TRPC4AP: variants seen among roughly 807,000 people sequenced by gnomAD.
TRPC4AP encodes the protein transient receptor potential cation channel subfamily C member 4 associated protein, also known as short transient receptor potential channel 4-associated protein.
In TRPC4AP, 45 loss-of-function variants were observed where a neutral mutation model predicts 99.0. The ratio of observed to expected loss-of-function variants is 0.45; its 90% confidence interval spans 0.36 to 0.58. The LOEUF is 0.58. TRPC4AP is among the 20% of genes least tolerant of loss of function. The pLI, the probability that TRPC4AP is intolerant of heterozygous loss-of-function variation, is 0.00. For synonymous variants in TRPC4AP, 408 were observed against 385.8 expected, an observed-to-expected ratio of 1.06 and a Z score of -0.67; for missense variants, 879 against 985.3, an observed-to-expected ratio of 0.89 and a Z score of 1.44.
chr20:35,048,967 A>C (rs1034890801), intron 6 of TRPC4AP, among the ~76,000 whole-genome samples: 1 of 152,226 alleles, frequency 6.6e-6, no homozygotes, highest in African/African-American at 2.4e-5. Flanking sequence ...TGGGGAAAGC[A>C]CAGCAAGAAG....
At chr20:35,074,593 T>C (rs548826060) in intron 2 of TRPC4AP, among the ~76,000 whole-genome samples, 3 of 152,348 alleles carry the variant, frequency 2.0e-5, no homozygotes, top group Admixed American at 2.0e-4. Context: ...AGTGAGTTTC[T>C]TAATCCTGAG....
At chr20:35,034,501 T>G (rs1187233286) in intron 8 of TRPC4AP, among the ~76,000 whole-genome samples, 1 of 151,994 alleles carries the variant, frequency 6.6e-6, no homozygotes, top group East Asian at 1.9e-4. Context: ...ACCGAGAACT[T>G]AGTCTCTTCA....
chr20:35,017,685 C>T (rs1243716357), intron 9 of TRPC4AP, among the ~76,000 whole-genome samples: 3 of 152,204 alleles, frequency 2.0e-5, no homozygotes, highest in African/African-American at 4.8e-5. Context: ...TTCTAGCCCA[C>T]TACAGGTATG....
At position 35,004,589 on chromosome 20, in the gene TRPC4AP, G is replaced by A. The variant is rs1226627730; in HGVS notation, c.1937-19C>T. 1.2e-6 allele frequency: 2 copies of A among 1,607,986 alleles called. No homozygotes were observed. Among genetic ancestry groups the A allele is most frequent in the Non-Finnish European group, 1.7e-6 (2 of 1,176,188 alleles). Reference sequence around the variant, plus strand: ...TCGGCAACTGTGGAGGGAGGCAGGGGTGCAGCAGGTCAGGCTTAGGCCCAG... The same window carrying A: ...TCGGCAACTGTGGAGGGAGGCAGGGATGCAGCAGGTCAGGCTTAGGCCCAG... On this transcript the variant is annotated intron_variant, in intron 16 of 18. Coordinates refer to ENST00000252015, the MANE Select transcript of TRPC4AP (RefSeq NM_015638.3).
chr20:35,082,006 C>T (rs1037794842), intron 1 of TRPC4AP, among the ~76,000 whole-genome samples: 58 of 151,072 alleles, frequency 3.8e-4, no homozygotes, highest in African/African-American at 1.4e-3. Flanking sequence ...AAAACAAAAA[C>T]AACAACAACA....
intron 11 of TRPC4AP, among the ~76,000 whole-genome samples, chr20:35,011,618 TGTGACTGTGACCCACAACACCCTG>T (rs2082638306): frequency 1.6e-5 from 1 of 63,054 alleles, no homozygotes; most frequent in Non-Finnish European, 4.7e-5. Flanking sequence ...AATCCAGGCC[TGTGACTGTGACCCACAACACCCTG>T]TGACTGTGAC....
intron 7 of TRPC4AP, among the ~76,000 whole-genome samples, chr20:35,040,810 G>T (rs967677705): frequency 6.6e-6 from 1 of 152,074 alleles, no homozygotes; most frequent in African/African-American, 2.4e-5. Context: ...CTCCGCCTGT[G>T]ATCGTGTGAG....
At chr20:35,040,754 A>C (rs2083429311) in intron 7 of TRPC4AP, among the ~76,000 whole-genome samples, 1 of 152,112 alleles carries the variant, frequency 6.6e-6, no homozygotes, top group South Asian at 2.1e-4. Flanking sequence ...CAGGCGTGTC[A>C]CCATGCCCAG....
intron 2 of TRPC4AP, among the ~76,000 whole-genome samples, chr20:35,072,949 T>C (rs6088700): frequency 0.18 from 28,098 of 152,124 alleles, 2,682 homozygotes; most frequent in Middle Eastern, 0.34. Flanking sequence ...TGTGTCCTCT[T>C]TTATTTCATT....
At position 35,029,175 on chromosome 20, in the gene TRPC4AP, C is replaced by T. The variant is rs538939947; in HGVS notation, c.1051+5948G>A. 6.6e-5 allele frequency among the ~76,000 whole-genome samples: 10 copies of T among 152,268 alleles called. No homozygotes were observed. In the South Asian group the frequency reaches 1.2e-3, roughly 19 times the overall value. On this transcript the variant is annotated intron_variant, in intron 8 of 18. Coordinates refer to ENST00000252015, the MANE Select transcript of TRPC4AP (RefSeq NM_015638.3). ...CTGAGGCATCAGAATTGCTTGAACCCGGGAGGTGGAGGTTGCAGTGAGCTG... is the reference window on the plus strand; with the variant it reads ...CTGAGGCATCAGAATTGCTTGAACCTGGGAGGTGGAGGTTGCAGTGAGCTG...
intron 1 of TRPC4AP, among the ~76,000 whole-genome samples, chr20:35,085,565 T>C (rs962772273): frequency 6.6e-6 from 1 of 151,128 alleles, no homozygotes; most frequent in Non-Finnish European, 1.5e-5. Flanking sequence ...GTAGTTTTTT[T>C]TCACCACTAC....
At chr20:35,089,400 T>A (rs866870902) in intron 1 of TRPC4AP, among the ~76,000 whole-genome samples, 1 of 149,414 alleles carries the variant, frequency 6.7e-6, no homozygotes, top group Non-Finnish European at 1.5e-5. Flanking sequence ...TTAATGTTTT[T>A]TTTTTTTTTT....
intron 1 of TRPC4AP, among the ~76,000 whole-genome samples, chr20:35,080,650 T>G (rs1037394815): frequency 6.6e-6 from 1 of 151,750 alleles, no homozygotes; most frequent in Non-Finnish European, 1.5e-5. Context: ...GAAAGATCAC[T>G]GGTTGGCAAA....
rs537438767 is a variant in TRPC4AP at position 35,072,859 on chromosome 20, T to C, written c.298-3447A>G. Among the ~76,000 whole-genome samples the C allele has an allele frequency of 3.9e-5, 6 of 152,336 alleles. 1 individual carries two copies. The South Asian group carries it at 1.2e-3, about 32-fold the overall frequency. On this transcript the variant is annotated intron_variant, in intron 2 of 18. Transcript: ENST00000252015. The stretch of plus-strand genomic sequence containing the variant: ...CTTGATGGGGATGGCATTGAATCTA[T>C]CAATTACCTCGGGCAATATGGCCAT...
intron 7 of TRPC4AP, among the ~76,000 whole-genome samples, chr20:35,041,002 A>G (rs6060172): frequency 0.58 from 82,184 of 142,704 alleles, 24,770 homozygotes; most frequent in Middle Eastern, 0.74. Flanking sequence ...TCTCTCCTCA[A>G]TGACAGAGAG....
At chr20:35,033,208 G>A (rs1158771667) in intron 8 of TRPC4AP, among the ~76,000 whole-genome samples, 2 of 152,120 alleles carry the variant, frequency 1.3e-5, no homozygotes, top group Non-Finnish European at 2.9e-5. Context: ...GACATTTTAA[G>A]TAATATACTG....
chr20:35,007,384 C>A (rs1405882827), intron 14 of TRPC4AP, among the ~76,000 whole-genome samples, 166 bp downstream of exon 14: 5 of 152,244 alleles, frequency 3.3e-5, no homozygotes, highest in Non-Finnish European at 4.4e-5. Flanking sequence ...CATGGGGAAC[C>A]CACAGTTGGA....
At chr20:35,086,535 G>GTATATATA in intron 1 of TRPC4AP, among the ~76,000 whole-genome samples, 1 of 17,754 alleles carries the variant, frequency 5.6e-5, no homozygotes, top group African/African-American at 3.3e-4. Flanking sequence ...ATGTGTGTGT[G>GTATATATA]TGTGTGTGTG....
chr20:35,050,084 T>G, intron 5 of TRPC4AP, 90 bp from the exon 6 acceptor site: 1 of 1,425,906 alleles, frequency 7.0e-7, no homozygotes, highest in Non-Finnish European at 9.5e-7. Context: ...GAAAAGCAGT[T>G]TCACCTCTGA....
Sources: allele counts gnomAD v4.1 joint callset (sites outside exome capture counted in the v4.1 genomes callset), GRCh38; gene constraint gnomAD v4.1.1; transcripts MANE v1.5; gene names NCBI Gene and HGNC (gene_info 2026-07-23, HGNC 2026-07-21).